Variants in RBFOX1 observed in about 807,000 individuals in gnomAD.
RBFOX1 encodes the protein RNA binding protein fox-1 homolog 1.
A neutral mutation model predicts 57.7 loss-of-function variants in RBFOX1; 8 were observed. That is an observed-to-expected ratio of 0.14 (90% confidence interval 0.08 to 0.25). RBFOX1 has a LOEUF of 0.25. Among genes scored for constraint, RBFOX1 ranks in the 10% least tolerant of loss-of-function variants. The pLI is 1.00. For missense variants in RBFOX1, 611 were observed against 548.5 expected, an observed-to-expected ratio of 1.11 and a Z score of -1.14; for synonymous variants, 326 against 222.4, an observed-to-expected ratio of 1.47 and a Z score of -4.15.
chr16:6,733,328 A>T (rs993281922), intron 3 of RBFOX1, among the ~76,000 whole-genome samples: 7 of 152,316 alleles, frequency 4.6e-5, no homozygotes, highest in Non-Finnish European at 8.8e-5. Flanking sequence ...GCATATATGT[A>T]GTCCTTCCAT....
intron 1 of RBFOX1, among the ~76,000 whole-genome samples, chr16:5,419,944 G>C (rs1047047321): frequency 1.3e-5 from 2 of 152,146 alleles, no homozygotes; most frequent in Non-Finnish European, 2.9e-5. Flanking sequence ...ATGTGAGCTT[G>C]GAGGCAGGGT....
chr16:7,110,472 C>T (rs904715175), intron 4 of RBFOX1, among the ~76,000 whole-genome samples: 16 of 152,160 alleles, frequency 1.1e-4, no homozygotes, highest in African/African-American at 2.9e-4. Flanking sequence ...AGCCAATTAA[C>T]ACAGGGCTCC....
chr16:6,936,713 A>G (rs112781136), intron 3 of RBFOX1, among the ~76,000 whole-genome samples: 2 of 152,280 alleles, frequency 1.3e-5, no homozygotes, highest in African/African-American at 4.8e-5. Context: ...TAATATTAAA[A>G]CAAAAACTCA....
chr16:6,009,491 C>G (rs920555123), intron 4 of RBFOX1, among the ~76,000 whole-genome samples: 1 of 152,290 alleles, frequency 6.6e-6, no homozygotes, highest in East Asian at 1.9e-4. Flanking sequence ...AGAAATGGCA[C>G]TTCCTGAGTG....
chr16:6,181,925 C>A (rs1205008384), intron 1 of RBFOX1, among the ~76,000 whole-genome samples: 1 of 17,006 alleles, frequency 5.9e-5, no homozygotes, highest in African/African-American at 9.1e-5. Context: ...CAGTTTCCAT[C>A]GATGGGGATG....
chr16:6,444,145 C>T (rs1325576969), intron 2 of RBFOX1, among the ~76,000 whole-genome samples: 1 of 152,058 alleles, frequency 6.6e-6, no homozygotes, highest in Non-Finnish European at 1.5e-5. Context: ...TGTTGTGAAC[C>T]ACGGTTGAAG....
intron 2 of RBFOX1, among the ~76,000 whole-genome samples, chr16:6,535,145 T>A (rs1437216814): frequency 1.3e-5 from 2 of 152,128 alleles, no homozygotes; most frequent in African/African-American, 4.8e-5. Context: ...GTGGAAAACG[T>A]GTGCTGGTTT....
intron 1 of RBFOX1, among the ~76,000 whole-genome samples, chr16:5,454,770 TTTC>T (rs2068532520): frequency 3.1e-5 from 1 of 31,796 alleles, no homozygotes; most frequent in African/African-American, 1.5e-4. Flanking sequence ...TTTCTTTCTC[TTTC>T]TTTCTTTCTT....
At chr16:7,111,399 A>G (rs908967621) in intron 4 of RBFOX1, among the ~76,000 whole-genome samples, 10 of 152,150 alleles carry the variant, frequency 6.6e-5, no homozygotes, top group Admixed American at 5.9e-4. Flanking sequence ...AATCATTTTT[A>G]TTATACTGTA....
At chr16:6,254,626 A>G (rs1274016591) in intron 1 of RBFOX1, among the ~76,000 whole-genome samples, 1 of 152,134 alleles carries the variant, frequency 6.6e-6, no homozygotes, top group East Asian at 1.9e-4. Flanking sequence ...TAAACCTTTG[A>G]CTGATGCAAT....
chr16:6,504,298 G>C (rs1219517876), intron 2 of RBFOX1, among the ~76,000 whole-genome samples: 3 of 152,172 alleles, frequency 2.0e-5, no homozygotes, highest in Non-Finnish European at 4.4e-5. Flanking sequence ...TTGGATTAAA[G>C]GCACCAGTGC....
chr16:6,704,665 C>A, intron 3 of RBFOX1: 1 of 152,480 alleles, frequency 6.6e-6, no homozygotes, highest in Middle Eastern at 2.2e-3. Context: ...GAGAGCCTGC[C>A]TAACTGCCTA....
chr16:6,405,457 C>G (rs1183248514), intron 2 of RBFOX1, among the ~76,000 whole-genome samples: 2 of 152,134 alleles, frequency 1.3e-5, no homozygotes, highest in Non-Finnish European at 2.9e-5. Context: ...CATCCCACCA[C>G]CGTATCATCT....
chr16:5,787,277 G>A (rs2054536378), intron 3 of RBFOX1, among the ~76,000 whole-genome samples: 1 of 152,182 alleles, frequency 6.6e-6, no homozygotes, highest in South Asian at 2.1e-4. Flanking sequence ...TGCTGCTTGG[G>A]GATCTGTTCA....
chr16:7,305,310 G>A (rs1291689589), intron 4 of RBFOX1, among the ~76,000 whole-genome samples: 1 of 152,022 alleles, frequency 6.6e-6, no homozygotes, highest in Non-Finnish European at 1.5e-5. Flanking sequence ...TTATTGGAAG[G>A]GTTGCTTCCT....
chr16:5,978,278 C>A (rs939776954), intron 4 of RBFOX1, among the ~76,000 whole-genome samples: 2 of 151,798 alleles, frequency 1.3e-5, no homozygotes, highest in Non-Finnish European at 2.9e-5. Context: ...CACACCACTG[C>A]ACTCCAGCCT....
chr16:7,371,693 T>G (rs1229123719), intron 4 of RBFOX1, among the ~76,000 whole-genome samples: 1 of 152,112 alleles, frequency 6.6e-6, no homozygotes, highest in African/African-American at 2.4e-5. Context: ...GAGGTTGCAG[T>G]GAGCTGAGAT....
intron 4 of RBFOX1, among the ~76,000 whole-genome samples, chr16:7,221,148 T>C (rs1603337515): frequency 6.6e-6 from 1 of 152,278 alleles, no homozygotes; most frequent in East Asian, 1.9e-4. Flanking sequence ...CTTGAATGTC[T>C]CTATAATATC....
intron 1 of RBFOX1, among the ~76,000 whole-genome samples, chr16:6,260,625 C>T (rs1430197268): frequency 1.3e-5 from 2 of 152,124 alleles, no homozygotes; most frequent in Non-Finnish European, 2.9e-5. Context: ...TGCCTGTAAT[C>T]CCAGCACTTT....
Sources: gnomAD v4.1 joint callset for allele counts (sites outside exome capture counted in the v4.1 genomes callset) on GRCh38, gnomAD v4.1.1 for gene constraint, MANE v1.5 for transcripts, NCBI Gene and HGNC (gene_info 2026-07-23, HGNC 2026-07-21) for gene names.